Variants in MSRA observed in about 807,000 individuals in gnomAD.
The protein encoded by MSRA is mitochondrial peptide methionine sulfoxide reductase.
A neutral mutation model predicts 31.3 loss-of-function variants in MSRA; 54 were observed. The observed-to-expected ratio is 1.73, with a 90% CI of 1.39 to 2.17. The LOEUF is 2.17. MSRA is among the 30% of genes most tolerant of loss of function. MSRA has a pLI of 0.00. For missense variants in MSRA, 507 were observed against 300.9 expected (o/e 1.69, Z -5.07); for synonymous variants, 169 against 116.5 (o/e 1.45, Z -2.90).
chr8:10,294,871 G>A (rs1489335454), intron 3 of MSRA, among the ~76,000 whole-genome samples: 1 of 152,064 alleles, frequency 6.6e-6, no homozygotes. Flanking sequence ...GCTTGGGAGG[G>A]GTGGGGGCGG....
chr8:10,307,015 G>T (rs924458017), intron 4 of MSRA, among the ~76,000 whole-genome samples: 4 of 152,180 alleles, frequency 2.6e-5, no homozygotes, highest in African/African-American at 9.7e-5. Flanking sequence ...CTTAGCAGAA[G>T]AGGAGCAATG....
At position 10,428,421 on chromosome 8, in the gene MSRA, AG is replaced by A. The variant is rs1809335382; in HGVS notation, c.*111del. ...GGCATTTAAAGTGCACAAAGTACAA[AG>A]GAATTTATACAGATTGGGTTTACCG... On this transcript the variant is annotated 3_prime_UTR_variant, in exon 6 of 6. Coordinates refer to ENST00000317173, the MANE Select transcript of MSRA (RefSeq NM_012331.5). The A allele has an allele frequency of 2.5e-6, 3 of 1,196,662 alleles. No individual in the cohort carries two copies. In the South Asian group the frequency reaches 4.1e-5, roughly 16 times the overall value. The allele number at this position is 1,196,662 out of a possible 1,614,324, so 74.1% of individuals were successfully genotyped here.
rs117561815 is a variant in MSRA, at chr8:10,132,518, C to G, written c.143-75315C>G. Among the ~76,000 whole-genome samples, 769 of 152,230 alleles carry G rather than the reference C, an allele frequency of 5.1e-3. 3 individuals are homozygous for G. Among genetic ancestry groups the G allele is most frequent in the Middle Eastern group, 0.02 (6 of 294 alleles). ...AGTCCAAGATCAAGGCACTGGCAGACTTGGGAAGTCCAAGATCAAGGCACT... is the reference window on the plus strand; with the variant it reads ...AGTCCAAGATCAAGGCACTGGCAGAGTTGGGAAGTCCAAGATCAAGGCACT... On this transcript the variant is annotated intron_variant, in intron 1 of 5. Coordinates refer to ENST00000317173, the MANE Select transcript of MSRA (RefSeq NM_012331.5).
rs1047623657 is a variant in MSRA at position 10,230,619 on chromosome 8, C to T, written c.212-14485C>T. Among the ~76,000 whole-genome samples the T allele has an allele frequency of 3.3e-5, 5 of 152,264 alleles. No homozygotes were observed. The East Asian group carries it at 7.7e-4, about 23-fold the overall frequency. ...CAGACTATCTGTCAGTCTGTATAAA[C>T]ATTTTTGAAAAACTTCTTTTGACAG... is the stretch of plus-strand genomic sequence containing the variant. On this transcript the variant is annotated intron_variant, in intron 2 of 5. Transcript: ENST00000317173.
chr8:10,363,529 GATGTATATTCTCACCTTAGTAGT>G (rs1423345793), intron 5 of MSRA, among the ~76,000 whole-genome samples: 3 of 152,098 alleles, frequency 2.0e-5, no homozygotes, highest in Non-Finnish European at 4.4e-5. Context: ...GTAGCATGAC[GATGTATATTCTCACCTTAGTAGT>G]CCCCTTAGCC....
chr8:10,284,400 G>A (rs1298977581), intron 3 of MSRA, among the ~76,000 whole-genome samples: 1 of 152,008 alleles, frequency 6.6e-6, no homozygotes, highest in Non-Finnish European at 1.5e-5. Context: ...CACCATGTTA[G>A]CCAGGCTGGA....
intron 1 of MSRA, among the ~76,000 whole-genome samples, chr8:10,063,116 A>C (rs977154878): frequency 6.6e-6 from 1 of 152,124 alleles, no homozygotes; most frequent in Non-Finnish European, 1.5e-5. Context: ...TTGTTTCCAA[A>C]AGATTGACTA....
At chr8:10,294,580 C>T (rs539636188) in intron 3 of MSRA, among the ~76,000 whole-genome samples, 59 of 152,294 alleles carry the variant, frequency 3.9e-4, no homozygotes, top group African/African-American at 1.3e-3. Flanking sequence ...CTCTCCTCTC[C>T]ATGCTCCTTT....
At chr8:10,060,713 C>G (rs577416891) in intron 1 of MSRA, among the ~76,000 whole-genome samples, 1 of 149,822 alleles carries the variant, frequency 6.7e-6, no homozygotes. Context: ...TAATCAAAAT[C>G]TACATTTTGG....
chr8:10,185,831 T>A (rs1396816088), intron 1 of MSRA, among the ~76,000 whole-genome samples: 1 of 152,202 alleles, frequency 6.6e-6, no homozygotes, highest in Non-Finnish European at 1.5e-5. Context: ...GACCAAGTGC[T>A]TTCGTGTGAA....
chr8:10,206,088 T>C (rs891911723), intron 1 of MSRA, among the ~76,000 whole-genome samples: 1 of 152,212 alleles, frequency 6.6e-6, no homozygotes, highest in South Asian at 2.1e-4. Flanking sequence ...GTGGGATTCA[T>C]GGGTTTAAAG....
At chr8:10,170,616 A>C (rs184361300) in intron 1 of MSRA, among the ~76,000 whole-genome samples, 11 of 152,358 alleles carry the variant, frequency 7.2e-5, no homozygotes, top group Admixed American at 4.6e-4. Flanking sequence ...AAGCATTTAC[A>C]TTGTATTAGG....
intron 5 of MSRA, among the ~76,000 whole-genome samples, chr8:10,388,963 G>C (rs1473518624): frequency 6.6e-6 from 1 of 152,080 alleles, no homozygotes; most frequent in Non-Finnish European, 1.5e-5. Flanking sequence ...GAGAATCACT[G>C]AACTAGGGCA....
At chr8:10,203,086 G>C (rs925937262) in intron 1 of MSRA, among the ~76,000 whole-genome samples, 1 of 152,098 alleles carries the variant, frequency 6.6e-6, no homozygotes, top group East Asian at 1.9e-4. Context: ...TTAAGAACCT[G>C]TTATCTTTGG....
intron 5 of MSRA, among the ~76,000 whole-genome samples, chr8:10,413,661 T>A (rs1413786793): frequency 2.2e-5 from 3 of 137,524 alleles, no homozygotes; most frequent in East Asian, 2.1e-4. Context: ...AGAGAGATAT[T>A]AAAAAAAAAA....
intron 2 of MSRA, among the ~76,000 whole-genome samples, chr8:10,211,263 A>T (rs887856568): frequency 3.3e-5 from 5 of 152,274 alleles, no homozygotes; most frequent in Admixed American, 2.6e-4. Flanking sequence ...GAATAGATAG[A>T]TGATTCCTTA....
At chr8:10,373,381 G>C (rs1285790108) in intron 5 of MSRA, among the ~76,000 whole-genome samples, 1 of 152,238 alleles carries the variant, frequency 6.6e-6, no homozygotes, top group Non-Finnish European at 1.5e-5. Context: ...TCTTTTTAGA[G>C]ACAGGGTCTT....
chr8:10,063,708 C>T (rs146147299), intron 1 of MSRA, among the ~76,000 whole-genome samples: 68 of 152,252 alleles, frequency 4.5e-4, no homozygotes, highest in African/African-American at 1.4e-3. Context: ...GGTGAGAAGG[C>T]GCTGTCCGTG....
chr8:10,392,657 G>A (rs1253865279), intron 5 of MSRA, among the ~76,000 whole-genome samples: 2 of 149,188 alleles, frequency 1.3e-5, no homozygotes, highest in African/African-American at 2.5e-5. Context: ...ATTTGCCTGT[G>A]ACCATCACTT....
Sources: gnomAD v4.1 joint callset for allele counts (sites outside exome capture counted in the v4.1 genomes callset) on GRCh38, gnomAD v4.1.1 for gene constraint, MANE v1.5 for transcripts, NCBI Gene and HGNC (gene_info 2026-07-23, HGNC 2026-07-21) for gene names.